The following CD47 variants were observed in gnomAD, a reference collection of about 807,000 sequenced individuals.
The protein encoded by CD47 is leukocyte surface antigen CD47.
A neutral mutation model predicts 44.6 loss-of-function variants in CD47; 11 were observed. The ratio of observed to expected loss-of-function variants is 0.25; its 90% CI spans 0.16 to 0.41. CD47 has a LOEUF of 0.41. Among genes scored for constraint, CD47 ranks in the 10% least tolerant of loss-of-function variants. The probability of loss-of-function intolerance (pLI) is 1.00; values close to 1 mark genes in which losing one functional copy is unlikely to be tolerated. For synonymous variants in CD47, 140 were observed against 136.3 expected (o/e 1.03, Z -0.19); for missense variants, 306 against 386.7 (o/e 0.79, Z 1.75).
chr3:108,062,069 G>A (rs566732449), intron 3 of CD47, among the ~76,000 whole-genome samples: 1 of 152,120 alleles, frequency 6.6e-6, no homozygotes, highest in South Asian at 2.1e-4. Flanking sequence ...TAAGTCCTAA[G>A]CAATAAATAA....
At chr3:108,073,728 G>A (rs2079253731) in intron 2 of CD47, among the ~76,000 whole-genome samples, 1 of 152,166 alleles carries the variant, frequency 6.6e-6, no homozygotes, top group South Asian at 2.1e-4. Flanking sequence ...TTTAAATAGG[G>A]AAGAAAAATA....
rs1040791569 is a variant in CD47 at position 108,074,713 on chromosome 3, G to T, written c.401-3531C>A. ...TGTTCCCTGATATGTGGGGCGGGTGGGGGGGGGGGGCACACAATGGAGAAG... is the reference window on the plus strand; with the variant it reads ...TGTTCCCTGATATGTGGGGCGGGTGTGGGGGGGGGGCACACAATGGAGAAG... On this transcript the variant is annotated intron_variant, in intron 2 of 10. Coordinates refer to ENST00000361309, the MANE Select transcript of CD47 (RefSeq NM_001777.4). Among the ~76,000 whole-genome samples the T allele has an allele frequency of 3.1e-3, 19 of 6,066 alleles. 1 individual carries two copies. The highest frequency in any genetic ancestry group is 0.011 in the Non-Finnish European group (8 of 750). The allele number at this position is 6,066 out of a possible 152,430, so 4.0% of individuals were successfully genotyped here.
intron 8 of CD47, 178 bp downstream of exon 8, chr3:108,051,761 A>C (rs528552032): frequency 8.7e-6 from 6 of 690,778 alleles, no homozygotes; most frequent in South Asian, 6.9e-5. Flanking sequence ...CACTAAAATG[A>C]CCAAACACAG....
At chr3:108,063,121 C>A (rs1288338196) in intron 3 of CD47, among the ~76,000 whole-genome samples, 13 of 152,212 alleles carry the variant, frequency 8.5e-5, no homozygotes, top group Non-Finnish European at 2.9e-5. Context: ...TGGTCCGTCT[C>A]TCTTTGAGTA....
At chr3:108,066,141 T>C (rs2079102613) in intron 3 of CD47, among the ~76,000 whole-genome samples, 1 of 152,138 alleles carries the variant, frequency 6.6e-6, no homozygotes. Flanking sequence ...TAATGAGAAC[T>C]TTTTTCCTTG....
Position 108,044,214 on chromosome 3 carries a change from T to C in CD47, c.*3074A>G, listed in dbSNP as rs1264325933. Reference sequence around the variant, plus strand: ...GATGGAGGAGTAAACTTATCGTGTTTTGAGCTTTGTTAGTGCAAATAACAA... The same window carrying C: ...GATGGAGGAGTAAACTTATCGTGTTCTGAGCTTTGTTAGTGCAAATAACAA... On this transcript the variant is annotated 3_prime_UTR_variant, in exon 11 of 11. Coordinates refer to ENST00000361309, the MANE Select transcript of CD47 (RefSeq NM_001777.4). 5 of 152,620 alleles carry C rather than the reference T, an allele frequency of 3.3e-5. No individual in the cohort carries two copies. Among genetic ancestry groups the C allele is most frequent in the Admixed American group, 3.3e-4 (5 of 15,284 alleles). 9.5% of individuals were successfully genotyped at this position (152,620 alleles called of 1,614,324 possible).
At chr3:108,070,253 T>C (rs1420847372) in intron 3 of CD47, among the ~76,000 whole-genome samples, 2 of 152,232 alleles carry the variant, frequency 1.3e-5, no homozygotes, top group East Asian at 3.8e-4. Flanking sequence ...ATAAATTAAA[T>C]AAGCAGTATT....
chr3:108,053,836 G>A (rs185136408), intron 7 of CD47: 7 of 152,318 alleles, frequency 4.6e-5, no homozygotes, highest in Admixed American at 4.6e-4. Context: ...TTTTAAAGTA[G>A]AACAGGGTAA....
intron 9 of CD47, 124 bp downstream of exon 9, chr3:108,050,454 G>C (rs961471778): frequency 1.6e-6 from 1 of 641,958 alleles, no homozygotes; most frequent in African/African-American, 2.0e-5. Flanking sequence ...GAGATGCCAA[G>C]GAAAGAAAAA....
chr3:108,055,606 T>TACTATCAATAAAATTAGGAC (rs1411992901), intron 7 of CD47: 3 of 1,159,834 alleles, frequency 2.6e-6, no homozygotes, highest in Non-Finnish European at 3.5e-6. Flanking sequence ...TAATTTAGGA[T>TACTATCAATAAAATTAGGAC]ACTATCAATA....
At chr3:108,050,928 T>C (rs2078815765) in intron 8 of CD47, 2 of 350,494 alleles carry the variant, frequency 5.7e-6, no homozygotes, top group East Asian at 7.6e-5. Context: ...ACAGAATAAA[T>C]AACACAGTGA....
chr3:108,055,375 A>G (rs2078896257), intron 7 of CD47: 1 of 308,568 alleles, frequency 3.2e-6, no homozygotes, highest in Admixed American at 4.9e-5. Context: ...GGAGACACTT[A>G]AAATTTTAAC....
At chr3:108,067,723 T>G (rs2079128385) in intron 3 of CD47, among the ~76,000 whole-genome samples, 1 of 152,108 alleles carries the variant, frequency 6.6e-6, no homozygotes, top group Non-Finnish European at 1.5e-5. Context: ...AAGCTAAAGG[T>G]GAAGGTATTT....
At chr3:108,061,288 C>T (rs975738443) in intron 3 of CD47, among the ~76,000 whole-genome samples, 9 of 150,610 alleles carry the variant, frequency 6.0e-5, no homozygotes, top group Non-Finnish European at 1.3e-4. Context: ...TCAATGCCCC[C>T]GATGAGCAAA....
intron 7 of CD47, among the ~76,000 whole-genome samples, chr3:108,056,422 C>T (rs111345106): frequency 0.027 from 4,114 of 152,084 alleles, 76 homozygotes; most frequent in Non-Finnish European, 0.04. Flanking sequence ...TCATCAAGAA[C>T]CAAAGTTCAG....
At chr3:108,060,981 A>G in intron 3 of CD47, 129 bp from the exon 4 acceptor site, 1 of 617,348 alleles carries the variant, frequency 1.6e-6, no homozygotes, top group South Asian at 1.9e-5. Flanking sequence ...CAACTCCTTA[A>G]TATCATCAAG....
chr3:108,054,928 T>C (rs1293059601), intron 7 of CD47, among the ~76,000 whole-genome samples: 2 of 152,184 alleles, frequency 1.3e-5, no homozygotes, highest in African/African-American at 4.8e-5. Context: ...TTGATCCTTA[T>C]AATTATATAA....
intron 7 of CD47, chr3:108,052,722 AG>A (rs1179741668): frequency 6.6e-6 from 1 of 152,374 alleles, no homozygotes; most frequent in African/African-American, 2.4e-5. Context: ...TGGGAGGCCA[AG>A]GCAAATAGAT....
In CD47 at chr3:108,067,230, CAA is replaced by C. The variant is rs1222917841; in HGVS notation, c.490+3861_490+3862del. 2.0e-5 allele frequency among the ~76,000 whole-genome samples: 3 copies of C among 152,032 alleles called. No individual in the cohort carries two copies. The East Asian group carries it at 5.8e-4, about 29-fold the overall frequency. On this transcript the variant is annotated intron_variant, in intron 3 of 10. Transcript: ENST00000361309. ...AACAGAGTTTTTAAGGTTTTAACAA[CAA>C]AAAAAATTTTAAAGGTCATGGAACA...
Sources: allele counts gnomAD v4.1 joint callset (sites outside exome capture counted in the v4.1 genomes callset), GRCh38; gene constraint gnomAD v4.1.1; transcripts MANE v1.5; gene names NCBI Gene and HGNC (gene_info 2026-07-23, HGNC 2026-07-21).